Variants in CTNND2 observed in about 807,000 individuals in gnomAD.
CTNND2 encodes catenin delta 2, also known as catenin delta-2.
In CTNND2, 22 loss-of-function variants were observed where a neutral mutation model predicts 144.4. The observed-to-expected ratio is 0.15, with a 90% CI of 0.11 to 0.22. The LOEUF is 0.22. Among genes scored for constraint, CTNND2 ranks in the 10% least tolerant of loss-of-function variants. CTNND2 has a pLI of 1.00. For synonymous variants in CTNND2, 751 were observed against 695.6 expected, an observed-to-expected ratio of 1.08 and a Z score of -1.25; for missense variants, 1,353 against 1,618.8, an observed-to-expected ratio of 0.84 and a Z score of 2.82.
intron 12 of CTNND2, among the ~76,000 whole-genome samples, chr5:11,154,221 T>G (rs999023658): frequency 2.6e-5 from 4 of 152,146 alleles, no homozygotes; most frequent in Non-Finnish European, 5.9e-5. Flanking sequence ...GAAAAATCCA[T>G]GCAATGTTCA....
At chr5:11,731,412 C>T (rs978369899) in intron 2 of CTNND2, among the ~76,000 whole-genome samples, 1 of 152,180 alleles carries the variant, frequency 6.6e-6, no homozygotes, top group African/African-American at 2.4e-5. Flanking sequence ...AATCACATAA[C>T]CCAAACGCGG....
chr5:11,227,183 G>T (rs1230577598), intron 10 of CTNND2, among the ~76,000 whole-genome samples: 1 of 152,200 alleles, frequency 6.6e-6, no homozygotes. Flanking sequence ...GTTGGAAAGA[G>T]ATTTCCTTAT....
intron 6 of CTNND2, among the ~76,000 whole-genome samples, chr5:11,388,324 G>A (rs1473239545): frequency 6.6e-6 from 1 of 152,204 alleles, no homozygotes; most frequent in Non-Finnish European, 1.5e-5. Context: ...CTACAACGTA[G>A]AGAATGTTCT....
chr5:11,863,053 C>G (rs997017814), intron 1 of CTNND2, among the ~76,000 whole-genome samples: 1 of 152,134 alleles, frequency 6.6e-6, no homozygotes, highest in Non-Finnish European at 1.5e-5. Context: ...AGCAATGCAA[C>G]CTGAGTACAT....
At chr5:11,748,953 T>C (rs1160978258) in intron 1 of CTNND2, among the ~76,000 whole-genome samples, 1 of 152,062 alleles carries the variant, frequency 6.6e-6, no homozygotes, top group South Asian at 2.1e-4. Flanking sequence ...GACTTCCCTA[T>C]TGATCTCTCT....
intron 1 of CTNND2, among the ~76,000 whole-genome samples, chr5:11,749,401 T>C (rs1394898617): frequency 6.6e-6 from 1 of 152,000 alleles, no homozygotes; most frequent in Non-Finnish European, 1.5e-5. Context: ...GTGATTTCAT[T>C]ATAGTCTTTT....
chr5:11,667,783 T>G (rs760057779), intron 2 of CTNND2, among the ~76,000 whole-genome samples: 25 of 152,124 alleles, frequency 1.6e-4, no homozygotes, highest in Non-Finnish European at 3.1e-4. Flanking sequence ...GATCCCATTT[T>G]TCTATTTTGG....
chr5:11,330,564 T>C (rs751455806), intron 9 of CTNND2, among the ~76,000 whole-genome samples: 5 of 150,256 alleles, frequency 3.3e-5, no homozygotes, highest in Non-Finnish European at 7.4e-5. Flanking sequence ...CTCATGCCTG[T>C]AACCCCAGGA....
intron 3 of CTNND2, among the ~76,000 whole-genome samples, chr5:11,461,083 T>C (rs1242598203): frequency 6.6e-6 from 1 of 151,992 alleles, no homozygotes; most frequent in Non-Finnish European, 1.5e-5. Context: ...TCCCCGCTAG[T>C]CCTGCTTCAT....
At chr5:11,135,974 A>G (rs780923116) in intron 12 of CTNND2, among the ~76,000 whole-genome samples, 20 of 152,204 alleles carry the variant, frequency 1.3e-4, no homozygotes, top group Non-Finnish European at 2.4e-4. Flanking sequence ...CCTAAAATTT[A>G]TATGTTGAAA....
At chr5:11,077,118 G>C (rs1179572146) in intron 16 of CTNND2, among the ~76,000 whole-genome samples, 1 of 152,122 alleles carries the variant, frequency 6.6e-6, no homozygotes, top group African/African-American at 2.4e-5. Flanking sequence ...ATTCGGTTCA[G>C]TCATTTTTTT....
intron 18 of CTNND2, among the ~76,000 whole-genome samples, chr5:11,016,834 G>A (rs1001967205): frequency 1.3e-5 from 2 of 152,046 alleles, no homozygotes; most frequent in Admixed American, 6.5e-5. Flanking sequence ...CCAGTAGTGC[G>A]ATCTCAGCTC....
intron 2 of CTNND2, among the ~76,000 whole-genome samples, chr5:11,719,614 C>T (rs1343033178): frequency 6.6e-6 from 1 of 152,122 alleles, no homozygotes; most frequent in African/African-American, 2.4e-5. Context: ...CAATATTTAT[C>T]CTTAGCGATG....
At chr5:11,113,112 G>A (rs1184955484) in intron 13 of CTNND2, among the ~76,000 whole-genome samples, 2 of 152,146 alleles carry the variant, frequency 1.3e-5, no homozygotes, top group African/African-American at 4.8e-5. Context: ...CTGCACTCCA[G>A]CCTGGGCAAC....
chr5:11,734,376 G>C (rs12520713), intron 1 of CTNND2, among the ~76,000 whole-genome samples: 1 of 152,182 alleles, frequency 6.6e-6, no homozygotes, highest in Non-Finnish European at 1.5e-5. Context: ...GACCAGGTGG[G>C]AGGTAATTAA....
chr5:11,645,901 CATT>C (rs1190957063), intron 2 of CTNND2, among the ~76,000 whole-genome samples: 2 of 151,962 alleles, frequency 1.3e-5, no homozygotes, highest in Non-Finnish European at 2.9e-5. Flanking sequence ...ATAAACAGTA[CATT>C]ATTTATCTAG....
At chr5:11,898,806 C>T (rs1378140641) in intron 1 of CTNND2, among the ~76,000 whole-genome samples, 2 of 152,162 alleles carry the variant, frequency 1.3e-5, no homozygotes, top group African/African-American at 4.8e-5. Context: ...CAAATAACCA[C>T]ATTTATTGTA....
At chr5:11,223,342 C>G (rs777630017) in intron 10 of CTNND2, among the ~76,000 whole-genome samples, 22 of 152,170 alleles carry the variant, frequency 1.4e-4, no homozygotes, top group Admixed American at 3.3e-4. Flanking sequence ...CCACTGTACT[C>G]CAGCAGCCCA....
intron 11 of CTNND2, among the ~76,000 whole-genome samples, chr5:11,186,203 C>T (rs1043199780): frequency 6.6e-6 from 1 of 152,194 alleles, no homozygotes; most frequent in African/African-American, 2.4e-5. Context: ...CAAGAACATC[C>T]AACATTTTAC....
Sources: allele counts gnomAD v4.1 joint callset (sites outside exome capture counted in the v4.1 genomes callset), GRCh38; gene constraint gnomAD v4.1.1; transcripts MANE v1.5; gene names NCBI Gene and HGNC (gene_info 2026-07-23, HGNC 2026-07-21).